Variants in SSH2 observed in about 807,000 individuals in gnomAD.
The protein encoded by SSH2 is protein phosphatase Slingshot homolog 2.
SSH2 carries 37 observed loss-of-function variants against 135.2 expected under a neutral mutation model. That is an observed-to-expected ratio of 0.27 (90% CI 0.21 to 0.36). The LOEUF (loss-of-function observed/expected upper bound fraction) is 0.36, where lower values mean the gene tolerates loss of function less well. SSH2 is among the 10% of genes least tolerant of loss of function. The pLI is 1.00. For missense variants in SSH2, 1,408 were observed against 1,765.3 expected, an observed-to-expected ratio of 0.80 and a Z score of 3.63; for synonymous variants, 628 against 646.2, an observed-to-expected ratio of 0.97 and a Z score of 0.43.
intron 2 of SSH2, among the ~76,000 whole-genome samples, chr17:29,796,241 T>C (rs2042153727): frequency 6.6e-6 from 1 of 152,244 alleles, no homozygotes; most frequent in Non-Finnish European, 1.5e-5. Context: ...TATACTTTTT[T>C]TGTTTCCACC....
intron 2 of SSH2, among the ~76,000 whole-genome samples, chr17:29,801,022 C>G (rs1265081793): frequency 6.6e-6 from 1 of 151,816 alleles, no homozygotes; most frequent in African/African-American, 2.4e-5. Flanking sequence ...TCTGCCACCA[C>G]CCCCTGTAAT....
Position 29,671,990 on chromosome 17 carries a change from C to T in SSH2, c.754G>A (p.Ala252Thr). Residue 252 changes from alanine (A) to threonine (T), a missense_variant, in exon 9 of 16, where the codon GCA becomes ACA. Physicochemically the swap from Ala to Thr is moderately conservative, Grantham distance 58. Coordinates refer to ENST00000540801, the MANE Select transcript of SSH2 (RefSeq NM_001282129.2). ...SDQSSVNEWN[A>T]MQDVQSHRPD... is the part of the protein sequence containing the mutation. ...CGGTGGGACTGTACATCTTGCATTG[C>T]ATTCCATTCATTGACTGAGGATTGA... is the stretch of plus-strand genomic sequence containing the variant. 1 of 1,614,164 alleles carries T rather than the reference C, an allele frequency of 6.2e-7. No homozygotes were observed. Among genetic ancestry groups the T allele is most frequent in the South Asian group, 1.1e-5 (1 of 91,082 alleles).
In SSH2 at chr17:29,843,263, G is replaced by A. The variant is rs189423429; in HGVS notation, c.144+5586C>T. 2.1e-3 allele frequency among the ~76,000 whole-genome samples: 327 copies of A among 152,142 alleles called. 3 individuals carry two copies. The highest frequency in any genetic ancestry group is 0.012 in the East Asian group (63 of 5,186). On this transcript the variant is annotated intron_variant, in intron 2 of 15. Transcript: ENST00000540801. The stretch of plus-strand genomic sequence containing the variant: ...TTAATTACTATAGCAGGCTGGGCGC[G>A]GTGGCTCACACTTGTAATTCCAACA...
intron 3 of SSH2, among the ~76,000 whole-genome samples, chr17:29,739,583 A>G (rs564836862): frequency 6.6e-6 from 1 of 152,392 alleles, no homozygotes; most frequent in South Asian, 2.1e-4. Context: ...TTCTGAAGTT[A>G]GCCAAATACT....
At chr17:29,875,298 C>T (rs945056610) in intron 1 of SSH2, among the ~76,000 whole-genome samples, 1 of 152,176 alleles carries the variant, frequency 6.6e-6, no homozygotes, top group African/African-American at 2.4e-5. Context: ...TTTCTCTAAT[C>T]AGAAATCTAG....
chr17:29,705,172 G>C (rs1247750114), intron 3 of SSH2, among the ~76,000 whole-genome samples: 1 of 152,120 alleles, frequency 6.6e-6, no homozygotes, highest in African/African-American at 2.4e-5. Context: ...AGTCCTGTGA[G>C]CTTTACTTTC....
intron 2 of SSH2, among the ~76,000 whole-genome samples, chr17:29,843,480 C>A (rs1285930450): frequency 6.6e-6 from 1 of 151,946 alleles, no homozygotes; most frequent in African/African-American, 2.4e-5. Flanking sequence ...TCGCTTGAAT[C>A]CAGGAGGTAG....
chr17:29,694,563 G>A (rs1157213015), intron 5 of SSH2, among the ~76,000 whole-genome samples: 1 of 152,140 alleles, frequency 6.6e-6, no homozygotes, highest in African/African-American at 2.4e-5. Context: ...CAGCTGCTCG[G>A]GAGGCTGAGG....
At chr17:29,780,903 C>G (rs530570379) in intron 3 of SSH2, among the ~76,000 whole-genome samples, 2 of 152,092 alleles carry the variant, frequency 1.3e-5, no homozygotes, top group African/African-American at 2.4e-5. Flanking sequence ...AACTCCGCCT[C>G]CCGGTTCACG....
At chr17:29,710,384 CTGCATGCAGTATTAT>C (rs1346161409) in intron 3 of SSH2, among the ~76,000 whole-genome samples, 2 of 152,214 alleles carry the variant, frequency 1.3e-5, no homozygotes, top group Non-Finnish European at 1.5e-5. Flanking sequence ...GTAATAACGA[CTGCATGCAGTATTAT>C]TGCACAAAGT....
intron 2 of SSH2, among the ~76,000 whole-genome samples, chr17:29,811,444 AT>A (rs1163671202): frequency 6.6e-6 from 1 of 152,074 alleles, no homozygotes; most frequent in Non-Finnish European, 1.5e-5. Context: ...ATTTTTATAT[AT>A]TTTTTCATTT....
chr17:29,841,797 G>A (rs1295824229), intron 2 of SSH2, among the ~76,000 whole-genome samples: 1 of 151,986 alleles, frequency 6.6e-6, no homozygotes, highest in African/African-American at 2.4e-5. Flanking sequence ...CATAGTCCTG[G>A]CTCACTACAG....
At chr17:29,768,633 A>T (rs1387865586) in intron 3 of SSH2, among the ~76,000 whole-genome samples, 1 of 152,190 alleles carries the variant, frequency 6.6e-6, no homozygotes, top group Non-Finnish European at 1.5e-5. Flanking sequence ...AAAATTTTAA[A>T]ATTATTTACT....
In SSH2 at chr17:29,674,779, T is replaced by TA. The variant is rs535694281; in HGVS notation, c.614+2040dup. Among the ~76,000 whole-genome samples, 560 of 151,504 alleles carry TA rather than the reference T, an allele frequency of 3.7e-3. 3 individuals carry two copies. Among genetic ancestry groups the TA allele is most frequent in the African/African-American group, 0.013 (537 of 41,328 alleles). On this transcript the variant is annotated intron_variant, in intron 8 of 15. Transcript: ENST00000540801. ...ATACCGTAATGATAGCTGATGAGCTTAAAAAAAAATGCAAAAAAATCTCAT... is the reference window on the plus strand; with the variant it reads ...ATACCGTAATGATAGCTGATGAGCTTAAAAAAAAAATGCAAAAAAATCTCAT...
intron 2 of SSH2, among the ~76,000 whole-genome samples, chr17:29,809,967 A>G (rs976668307): frequency 6.6e-6 from 1 of 152,052 alleles, no homozygotes; most frequent in Non-Finnish European, 1.5e-5. Context: ...CTCCCTCTAC[A>G]GTTCTCTAGT....
chr17:29,800,152 T>G (rs975899775), intron 2 of SSH2, among the ~76,000 whole-genome samples: 1 of 152,162 alleles, frequency 6.6e-6, no homozygotes, highest in South Asian at 2.1e-4. Context: ...TTTCTTTATG[T>G]TTCAATAGCC....
chr17:29,685,271 TA>T (rs1435393132), intron 5 of SSH2, among the ~76,000 whole-genome samples: 3 of 152,242 alleles, frequency 2.0e-5, no homozygotes, highest in African/African-American at 7.2e-5. Context: ...AATTAAATTT[TA>T]AAAGGACCCT....
At chr17:29,652,559 C>T (rs1472504569) in intron 12 of SSH2, among the ~76,000 whole-genome samples, 3 of 151,528 alleles carry the variant, frequency 2.0e-5, no homozygotes, top group Non-Finnish European at 4.4e-5. Context: ...TTCAATGAAA[C>T]TTTTAGAAAA....
intron 4 of SSH2, among the ~76,000 whole-genome samples, chr17:29,701,889 A>ATTTTT (rs35686014): frequency 7.7e-6 from 1 of 129,164 alleles, no homozygotes. Flanking sequence ...CTAATTTAAA[A>ATTTTT]TTTTTTTTTT....
Sources: gnomAD v4.1 joint callset for allele counts (sites outside exome capture counted in the v4.1 genomes callset) on GRCh38, gnomAD v4.1.1 for gene constraint, MANE v1.5 for transcripts, NCBI Gene and HGNC (gene_info 2026-07-23, HGNC 2026-07-21) for gene names.